Variants in RERG observed in about 807,000 individuals in gnomAD.
The protein encoded by RERG is ras-related and estrogen-regulated growth inhibitor.
In RERG, 25 loss-of-function variants were observed where a neutral mutation model predicts 23.2. The ratio of observed to expected loss-of-function variants is 1.08; its 90% CI spans 0.79 to 1.50. The LOEUF (loss-of-function observed/expected upper bound fraction) is 1.50. Among genes scored for constraint, RERG ranks in the 40% most tolerant of loss-of-function variants. RERG has a pLI of 0.00. For missense variants in RERG, 253 were observed against 250.1 expected, an observed-to-expected ratio of 1.01 and a Z score of -0.08; for synonymous variants, 81 against 89.1, an observed-to-expected ratio of 0.91 and a Z score of 0.51.
chr12:15,123,514 TTAATG>T (rs1006423337), intron 2 of RERG, among the ~76,000 whole-genome samples: 44 of 94,698 alleles, frequency 4.6e-4, no homozygotes, highest in African/African-American at 1.4e-3. Flanking sequence ...AAACAGTTGT[TTAATG>T]TATTAAATTT....
chr12:15,152,736 T>C (rs1354038687), intron 2 of RERG, among the ~76,000 whole-genome samples: 1 of 152,152 alleles, frequency 6.6e-6, no homozygotes, highest in Non-Finnish European at 1.5e-5. Context: ...AACCTTCACA[T>C]GGTATTTGAA....
chr12:15,194,929 G>A (rs985416799), intron 2 of RERG, among the ~76,000 whole-genome samples: 1 of 152,074 alleles, frequency 6.6e-6, no homozygotes, highest in Admixed American at 6.6e-5. Flanking sequence ...GGTAACTGAT[G>A]CCAAGGATTC....
chr12:15,138,181 T>C, intron 2 of RERG: 1 of 177,586 alleles, frequency 5.6e-6, no homozygotes, highest in Non-Finnish European at 1.2e-5. Flanking sequence ...TTGTGTTCTC[T>C]GTGCTTCCTG....
intron 2 of RERG, among the ~76,000 whole-genome samples, chr12:15,173,800 TAG>T (rs1271400952): frequency 3.3e-5 from 5 of 151,988 alleles, no homozygotes; most frequent in South Asian, 2.1e-4. Context: ...AGAAATATAA[TAG>T]AGTTTTGTAA....
At chr12:15,116,884 T>A (rs1480712000) in intron 3 of RERG, among the ~76,000 whole-genome samples, 1 of 152,184 alleles carries the variant, frequency 6.6e-6, no homozygotes, top group East Asian at 1.9e-4. Flanking sequence ...AAATTGAGCC[T>A]TTTTTGGTGA....
intron 2 of RERG, among the ~76,000 whole-genome samples, chr12:15,204,874 C>A (rs911804603): frequency 6.6e-6 from 1 of 151,876 alleles, no homozygotes; most frequent in Non-Finnish European, 1.5e-5. Context: ...AAAGTCTCTC[C>A]TTCTCTGTCC....
chr12:15,149,096 C>T (rs995288448), intron 2 of RERG, among the ~76,000 whole-genome samples: 3 of 151,726 alleles, frequency 2.0e-5, no homozygotes, highest in African/African-American at 7.3e-5. Flanking sequence ...GTCTCAATCT[C>T]CTGACCTCGT....
intron 2 of RERG, among the ~76,000 whole-genome samples, chr12:15,210,913 A>C (rs920536498): frequency 1.3e-5 from 2 of 152,132 alleles, no homozygotes; most frequent in Non-Finnish European, 2.9e-5. Flanking sequence ...CTACACCCAA[A>C]TTTGTCTCAA....
chr12:15,162,191 G>A (rs764966165), intron 2 of RERG, among the ~76,000 whole-genome samples: 3 of 152,190 alleles, frequency 2.0e-5, no homozygotes, highest in Non-Finnish European at 4.4e-5. Context: ...TTTGAGGGCC[G>A]AAGGACCTAA....
intron 3 of RERG, among the ~76,000 whole-genome samples, chr12:15,118,585 A>G (rs4623962): frequency 0.67 from 101,220 of 152,058 alleles, 33,797 homozygotes; most frequent in Admixed American, 0.74. Context: ...GTTAGAGGTG[A>G]GGCCTGGTGG....
At chr12:15,128,477 T>A (rs1012158504) in intron 2 of RERG, among the ~76,000 whole-genome samples, 1 of 152,198 alleles carries the variant, frequency 6.6e-6, no homozygotes, top group Non-Finnish European at 1.5e-5. Context: ...GAAAATAAGA[T>A]ACAGTTTCTA....
At chr12:15,210,786 C>T (rs571803726) in intron 2 of RERG, among the ~76,000 whole-genome samples, 2 of 152,160 alleles carry the variant, frequency 1.3e-5, no homozygotes, top group Non-Finnish European at 2.9e-5. Context: ...CTCATCTAGG[C>T]TGTTTGCCTC....
At chr12:15,170,788 A>T (rs1864767187) in intron 2 of RERG, among the ~76,000 whole-genome samples, 1 of 152,220 alleles carries the variant, frequency 6.6e-6, no homozygotes, top group Non-Finnish European at 1.5e-5. Flanking sequence ...AGTTCCCAAA[A>T]GGTAAAATCA....
chr12:15,159,203 G>A (rs1000770249), intron 2 of RERG, among the ~76,000 whole-genome samples: 1 of 152,044 alleles, frequency 6.6e-6, no homozygotes, highest in Non-Finnish European at 1.5e-5. Context: ...TCAATGGATT[G>A]TAATCCATTA....
chr12:15,208,830 T>C (rs548909400), intron 2 of RERG, among the ~76,000 whole-genome samples: 1 of 152,306 alleles, frequency 6.6e-6, no homozygotes, highest in African/African-American at 2.4e-5. Context: ...ACGATAAGAT[T>C]TGATTATTAA....
At chr12:15,159,839 A>T (rs974205586) in intron 2 of RERG, among the ~76,000 whole-genome samples, 21 of 150,530 alleles carry the variant, frequency 1.4e-4, no homozygotes, top group African/African-American at 4.9e-4. Context: ...AACAAACAAA[A>T]AAATCTTAAT....
chr12:15,125,124 C>A (rs2136091371), intron 2 of RERG, among the ~76,000 whole-genome samples: 1 of 152,032 alleles, frequency 6.6e-6, no homozygotes, highest in Non-Finnish European at 1.5e-5. Flanking sequence ...AATCACGTAA[C>A]TTTAAAATAC....
intron 2 of RERG, among the ~76,000 whole-genome samples, chr12:15,191,134 A>T (rs185977947): frequency 6.8e-4 from 104 of 152,140 alleles, no homozygotes; most frequent in African/African-American, 2.4e-3. Context: ...AGAGGACAGG[A>T]CTCATTAGGG....
At chr12:15,155,741 G>C (rs1173636851) in intron 2 of RERG, among the ~76,000 whole-genome samples, 1 of 152,090 alleles carries the variant, frequency 6.6e-6, no homozygotes, top group East Asian at 1.9e-4. Flanking sequence ...TCTGAAAACA[G>C]CCAGTTGTTA....
Sources: gnomAD v4.1 joint callset for allele counts (sites outside exome capture counted in the v4.1 genomes callset) on GRCh38, gnomAD v4.1.1 for gene constraint, MANE v1.5 for transcripts, NCBI Gene and HGNC (gene_info 2026-07-23, HGNC 2026-07-21) for gene names.